Variants in PLAGL1 observed in about 807,000 individuals in gnomAD.
The protein encoded by PLAGL1 is zinc finger protein PLAGL1.
A neutral mutation model predicts 4.6 loss-of-function variants in PLAGL1; 1 was observed. That is an observed-to-expected ratio of 0.22 (90% CI 0.08 to 1.03). The LOEUF (loss-of-function observed/expected upper bound fraction) is 1.03. PLAGL1 is among the 50% of genes least tolerant of loss of function. The pLI is 0.58. For synonymous variants in PLAGL1, 240 were observed against 237.8 expected (o/e 1.01, Z -0.08); for missense variants, 464 against 570.4 (o/e 0.81, Z 1.90).
intron 6 of PLAGL1, among the ~76,000 whole-genome samples, chr6:143,951,054 G>A (rs1271449188): frequency 4.6e-5 from 7 of 152,136 alleles, no homozygotes; most frequent in African/African-American, 1.4e-4. Context: ...TATAAATCCA[G>A]GCACTTGTTC....
At chr6:143,946,274 C>A (rs550608902) in intron 7 of PLAGL1, among the ~76,000 whole-genome samples, 1 of 152,348 alleles carries the variant, frequency 6.6e-6, no homozygotes, top group South Asian at 2.1e-4. Context: ...CCCAATAGTT[C>A]TACTCCACTA....
chr6:144,058,268 T>C (rs1158049488), intron 1 of PLAGL1, among the ~76,000 whole-genome samples: 2 of 152,112 alleles, frequency 1.3e-5, no homozygotes, highest in East Asian at 3.8e-4. Context: ...CACACACTTT[T>C]TAAACAACCA....
chr6:144,047,834 C>A (rs1197899042), intron 1 of PLAGL1, among the ~76,000 whole-genome samples: 4 of 152,172 alleles, frequency 2.6e-5, no homozygotes, highest in Non-Finnish European at 4.4e-5. Flanking sequence ...TCAGCCCTTC[C>A]CAACAGTTCC....
Position 143,985,460 on chromosome 6 carries a change from A to C in PLAGL1, c.-583-286T>G, listed in dbSNP as rs1764218052. 6.6e-6 allele frequency among the ~76,000 whole-genome samples: 1 copy of C among 152,200 alleles called. No homozygotes were observed. The highest frequency in any genetic ancestry group is 2.4e-5 in the African/African-American group (1 of 41,462). On this transcript the variant is annotated intron_variant, in intron 1 of 7. Coordinates refer to ENST00000674357, the MANE Select transcript of PLAGL1 (RefSeq NM_001317162.2). The surrounding 1 kb of genome is among the most constrained non-coding windows in gnomAD (Gnocchi z 4.4). ...TATCTACCACTAGTCAAAATATTGA[A>C]CAGTTCCATCACAAGGATCCATCAT...
At chr6:143,993,326 AACAAAACAC>A (rs1428981946) in intron 1 of PLAGL1, among the ~76,000 whole-genome samples, 2 of 117,392 alleles carry the variant, frequency 1.7e-5, no homozygotes, top group African/African-American at 3.4e-5. Flanking sequence ...CAAAAAACAA[AACAAAACAC>A]ACACACACAC....
Position 144,061,633 on chromosome 6 carries a change from T to C in PLAGL1, c.-151+2835A>G, listed in dbSNP as rs142745733. On this transcript the variant is annotated intron_variant, in intron 1 of 3. Transcript: ENST00000437412. The surrounding 1 kb of genome is among the most constrained non-coding windows in gnomAD (Gnocchi z 4.4). ...TACTGCCTCCCTCTATATTTTGAAA[T>C]AACTTTAAAACTACAAATCTATACA... Among the ~76,000 whole-genome samples, 86 of 152,330 alleles carry C rather than the reference T, an allele frequency of 5.6e-4. No homozygotes were observed. The highest frequency in any genetic ancestry group is 1.9e-3 in the African/African-American group (79 of 41,570).
intron 1 of PLAGL1, among the ~76,000 whole-genome samples, chr6:144,051,527 T>C (rs1798584581): frequency 6.6e-6 from 1 of 152,262 alleles, no homozygotes; most frequent in Non-Finnish European, 1.5e-5. Context: ...CAAATGTTTT[T>C]ACCAAACCAA....
upstream of PLAGL1, among the ~76,000 whole-genome samples, chr6:144,009,317 C>A (rs1421596000): frequency 6.6e-6 from 1 of 152,164 alleles, no homozygotes; most frequent in Non-Finnish European, 1.5e-5. Flanking sequence ...ACTTATCTAT[C>A]CCTGAATTTT....
rs1221449329 is a variant in PLAGL1, at chr6:144,005,881, A to G, written c.-584+2209T>C. On this transcript the variant is annotated intron_variant, in intron 1 of 7. Transcript: ENST00000674357. This position sits in a 1 kb window ranked among gnomAD's most constrained non-coding sequence, Gnocchi z 4.6. ...GAACAGAAATTATTGAGGTAAATAC[A>G]ATATGTTAGCATTTTAAAACGCTGA... The G allele has an allele frequency of 2.0e-5, 3 of 152,172 alleles. No homozygotes were observed. In the South Asian group the frequency reaches 6.2e-4, roughly 31 times the overall value. 9.4% of individuals were successfully genotyped at this position (152,172 alleles called of 1,614,324 possible). A position where few individuals can be genotyped will look rare whatever the true frequency, so the allele number is the denominator to read the frequency against.
At chr6:144,011,027 C>A (rs138192157), upstream of PLAGL1, among the ~76,000 whole-genome samples, 21 of 152,266 alleles carry the variant, frequency 1.4e-4, no homozygotes, top group East Asian at 3.9e-3. The surrounding 1 kb of genome is among the most constrained non-coding windows in gnomAD (Gnocchi z 4.3). Context: ...TAGGCAATAC[C>A]ATTCAGGACA....
At chr6:144,010,712 A>G (rs1049317225), upstream of PLAGL1, among the ~76,000 whole-genome samples, 4 of 152,222 alleles carry the variant, frequency 2.6e-5, no homozygotes, top group Non-Finnish European at 5.9e-5. The surrounding 1 kb of genome is among the most constrained non-coding windows in gnomAD (Gnocchi z 4.1). Context: ...CTACACTACA[A>G]GGCTACAGTA....
chr6:144,061,968 G>A lies in PLAGL1; in HGVS notation c.-151+2500C>T, dbSNP rs1242813617. ...TTACTATGAATGTAGGACCCATTTT[G>A]AGCTTTTTCTTTTTTGTTTGTTTTG... On this transcript the variant is annotated intron_variant, in intron 1 of 3. Coordinates refer to the PLAGL1 transcript ENST00000437412. The surrounding 1 kb of genome is among the most constrained non-coding windows in gnomAD (Gnocchi z 4.4). Among the ~76,000 whole-genome samples, 1 of 152,142 alleles carries A rather than the reference G, an allele frequency of 6.6e-6. No individual in the cohort carries two copies. Among genetic ancestry groups the A allele is most frequent in the Non-Finnish European group, 1.5e-5 (1 of 68,028 alleles).
At chr6:144,037,772 AAAACCC>A (rs1220415200) in intron 1 of PLAGL1, 3 of 152,348 alleles carry the variant, frequency 2.0e-5, no homozygotes, top group East Asian at 3.9e-4. Context: ...CTTTCACAAA[AAAACCC>A]AAACCCAAAC....
chr6:143,981,551 C>A (rs927856680), intron 2 of PLAGL1, among the ~76,000 whole-genome samples: 3 of 152,144 alleles, frequency 2.0e-5, no homozygotes, highest in Admixed American at 2.0e-4. Flanking sequence ...TGCACTGCAG[C>A]CTGGGGCAAA....
rs1024435635 is a variant in PLAGL1, at chr6:144,005,016, A to G, written c.-584+3074T>C. 16 of 150,176 alleles carry G rather than the reference A, an allele frequency of 1.1e-4. No homozygotes were observed. The highest frequency in any genetic ancestry group is 3.9e-4 in the African/African-American group (16 of 41,136). The allele number at this position is 150,176 out of a possible 1,614,324, so 9.3% of individuals were successfully genotyped here. On this transcript the variant is annotated intron_variant, in intron 1 of 7. Transcript: ENST00000674357. This position sits in a 1 kb window ranked among gnomAD's most constrained non-coding sequence, Gnocchi z 4.6. ...GAGAGATTATATATAATCTATATAT[A>G]AAGTGTATGTGTATATATTATATAT...
At position 143,965,218 on chromosome 6, in the gene PLAGL1, T is replaced by C. The variant is rs78832287; in HGVS notation, c.-430-400A>G. 13 of 152,294 alleles carry C rather than the reference T, an allele frequency of 8.5e-5. 1 individual carries two copies. The East Asian group carries it at 2.5e-3, about 29-fold the overall frequency. The allele number at this position is 152,294 out of a possible 1,614,324, so 9.4% of individuals were successfully genotyped here. ...TGGGCACGTCTAAGGGGTCCGGGCT[T>C]TGAAATCAGTCACGTTATCCAAACA... On this transcript the variant is annotated intron_variant, in intron 4 of 7. Coordinates refer to ENST00000674357, the MANE Select transcript of PLAGL1 (RefSeq NM_001317162.2). This position sits in a 1 kb window ranked among gnomAD's most constrained non-coding sequence, Gnocchi z 7.5.
chr6:143,946,441 G>T (rs150879188), intron 7 of PLAGL1, among the ~76,000 whole-genome samples: 1 of 152,314 alleles, frequency 6.6e-6, no homozygotes, highest in Non-Finnish European at 1.5e-5. Context: ...GCAAAACAGG[G>T]AGCCTCTGCA....
Position 143,960,394 on chromosome 6 carries a change from T to C in PLAGL1, c.-325+75A>G, listed in dbSNP as rs550590314. On this transcript the variant is annotated intron_variant, in intron 6 of 7. Transcript: ENST00000674357. The surrounding 1 kb of genome is among the most constrained non-coding windows in gnomAD (Gnocchi z 5.7). ...TGAAGTACCCTGAACCTCCAGCATG[T>C]TCTTGCCTATGATGTGTTTCCAAGC... 1 of 152,350 alleles carries C rather than the reference T, an allele frequency of 6.6e-6. No individual in the cohort carries two copies. Among genetic ancestry groups the C allele is most frequent in the Admixed American group, 6.5e-5 (1 of 15,300 alleles). 9.4% of individuals were successfully genotyped at this position (152,350 alleles called of 1,614,324 possible). A position where few individuals can be genotyped will look rare whatever the true frequency, so the allele number is the denominator to read the frequency against.
chr6:143,990,226 T>C lies in PLAGL1; in HGVS notation c.-583-5052A>G, dbSNP rs1025339625. 6.6e-6 allele frequency among the ~76,000 whole-genome samples: 1 copy of C among 152,092 alleles called. No homozygotes were observed. The highest frequency in any genetic ancestry group is 2.4e-5 in the African/African-American group (1 of 41,390). On this transcript the variant is annotated intron_variant, in intron 1 of 7. Coordinates refer to ENST00000674357, the MANE Select transcript of PLAGL1 (RefSeq NM_001317162.2). This position sits in a 1 kb window ranked among gnomAD's most constrained non-coding sequence, Gnocchi z 5.4. ...ACCTCCGCCTACCGGGTTCAAGCGA[T>C]TATCTTGCTTCAGCTTCCCAAGTAG...
Sources: allele counts gnomAD v4.1 joint callset (sites outside exome capture counted in the v4.1 genomes callset), GRCh38; gene constraint gnomAD v4.1.1; non-coding constraint Gnocchi (gnomAD v3.1); transcripts MANE v1.5; gene names NCBI Gene and HGNC (gene_info 2026-07-23, HGNC 2026-07-21).